Variants in PCDHGA4 observed in about 807,000 individuals in gnomAD.
The protein encoded by PCDHGA4 is protocadherin gamma subfamily A, 4, also known as protocadherin gamma-A4.
PCDHGA4 carries 38 observed loss-of-function variants against 54.6 expected under a neutral mutation model. The ratio of observed to expected loss-of-function variants is 0.70; its 90% CI spans 0.54 to 0.91. The LOEUF (loss-of-function observed/expected upper bound fraction) is 0.91. PCDHGA4 is among the 40% of genes least tolerant of loss of function. The probability of loss-of-function intolerance (pLI) is 0.00; values close to 1 mark genes in which losing one functional copy is unlikely to be tolerated. For missense variants in PCDHGA4, 1,298 were observed against 1,220.9 expected (o/e 1.06, Z -0.94); for synonymous variants, 511 against 512.9 (o/e 1.00, Z 0.05).
intron 1 of PCDHGA4, chr5:141,399,545 C>T (rs978973236): frequency 6.2e-7 from 1 of 1,614,050 alleles, no homozygotes; most frequent in African/African-American, 1.3e-5. Flanking sequence ...GTCTGCGCCT[C>T]GGACCTGGAC....
intron 1 of PCDHGA4, among the ~76,000 whole-genome samples, chr5:141,474,250 A>G (rs2099346141): frequency 6.6e-6 from 1 of 152,236 alleles, no homozygotes; most frequent in East Asian, 1.9e-4. Flanking sequence ...GGGGAAAAAA[A>G]GACTGATAAA....
intron 1 of PCDHGA4, among the ~76,000 whole-genome samples, chr5:141,407,339 T>C (rs958646781): frequency 3.3e-5 from 5 of 152,222 alleles, no homozygotes; most frequent in Non-Finnish European, 7.3e-5. Context: ...TTGAAATGTA[T>C]GTTAATTTGG....
chr5:141,400,007 C>G (rs907315450), intron 1 of PCDHGA4: 2 of 1,612,506 alleles, frequency 1.2e-6, no homozygotes, highest in African/African-American at 1.3e-5. Flanking sequence ...ACAGCGCGTG[C>G]CTTGGGCGAC....
rs756966401 is a variant in PCDHGA4, at chr5:141,393,451, C to T, written c.2514+35830C>T. The T allele has an allele frequency of 5.0e-6, 8 of 1,614,058 alleles. No homozygotes were observed. In the South Asian group the frequency reaches 6.6e-5, roughly 13 times the overall value. On this transcript the variant is annotated intron_variant, in intron 1 of 3. Transcript: ENST00000571252. The stretch of plus-strand genomic sequence containing the variant: ...GAGGCTGCTCACCACCTGGTCCTCA[C>T]GGCCTCGGATGGCGGCAAGCCGCCT...
intron 1 of PCDHGA4, chr5:141,408,201 C>A: frequency 6.5e-7 from 1 of 1,549,032 alleles, no homozygotes; most frequent in Non-Finnish European, 8.7e-7. Context: ...CCCGAGCGAA[C>A]GATGGGAGGG....
chr5:141,383,681 T>G (rs1299329378), intron 1 of PCDHGA4: 2 of 1,613,902 alleles, frequency 1.2e-6, no homozygotes, highest in Non-Finnish European at 1.7e-6. Flanking sequence ...GGTACAAGAC[T>G]GCTCACGGTA....
intron 1 of PCDHGA4, chr5:141,372,158 G>A (rs1466586208): frequency 6.2e-7 from 1 of 1,613,800 alleles, no homozygotes; most frequent in South Asian, 1.1e-5. Flanking sequence ...GCTACCTGGT[G>A]ACCAAGGTGG....
intron 1 of PCDHGA4, chr5:141,403,649 T>C: frequency 6.2e-7 from 1 of 1,613,874 alleles, no homozygotes; most frequent in Non-Finnish European, 8.5e-7. Context: ...TGTGACAGTG[T>C]TGGATACAAA....
intron 1 of PCDHGA4, among the ~76,000 whole-genome samples, chr5:141,406,188 T>C (rs1313997032): frequency 6.6e-6 from 1 of 151,612 alleles, no homozygotes; most frequent in African/African-American, 2.4e-5. Flanking sequence ...TCCTCCCACC[T>C]CAGCCTTCAC....
At position 141,489,295 on chromosome 5, in the gene PCDHGA4, T is replaced by C. The variant is rs2099685128; in HGVS notation, c.2515-5512T>C. 1.3e-6 allele frequency: 2 copies of C among 1,581,054 alleles called. No individual in the cohort carries two copies. The highest frequency in any genetic ancestry group is 1.7e-5 in the Admixed American group (1 of 57,148). ...TGGGAAATGGCAAGTGCTGTGCATG[T>C]TGTCCTTGTGCTGCTGGGGCTGGGT... On this transcript the variant is annotated intron_variant, in intron 1 of 3. Transcript: ENST00000571252. The surrounding 1 kb of genome is among the most constrained non-coding windows in gnomAD (Gnocchi z 4.5).
chr5:141,461,138 C>T (rs1416058747), intron 1 of PCDHGA4, among the ~76,000 whole-genome samples: 1 of 151,942 alleles, frequency 6.6e-6, no homozygotes, highest in East Asian at 1.9e-4. Flanking sequence ...ACTTATTTTC[C>T]TTTGGGTAGA....
chr5:141,374,340 C>T, intron 1 of PCDHGA4: 1 of 1,614,016 alleles, frequency 6.2e-7, no homozygotes, highest in Non-Finnish European at 8.5e-7. Context: ...AGCTTGGTCA[C>T]CGCGGGTAGG....
chr5:141,415,101 C>T, intron 1 of PCDHGA4: 1 of 1,613,550 alleles, frequency 6.2e-7, no homozygotes, highest in South Asian at 1.1e-5. Context: ...GAGACGCGCT[C>T]AAGCAAAGCC....
chr5:141,409,251 CTT>C (rs771889477), intron 1 of PCDHGA4: 78 of 1,613,922 alleles, frequency 4.8e-5, no homozygotes, highest in Non-Finnish European at 6.2e-5. Context: ...ATAATCATCA[CTT>C]CTCTCTCTGA....
At position 141,399,531 on chromosome 5, in the gene PCDHGA4, G is replaced by T. The variant is rs771221717; in HGVS notation, c.2514+41910G>T. 24 of 1,614,052 alleles carry T rather than the reference G, an allele frequency of 1.5e-5. No homozygotes were observed. The South Asian group carries it at 2.0e-4, about 13-fold the overall frequency. ...ACAACCCTCCTGGGGCCTCCATCGC[G>T]CAAGTCTGCGCCTCGGACCTGGACT... On this transcript the variant is annotated intron_variant, in intron 1 of 3. Coordinates refer to ENST00000571252, the MANE Select transcript of PCDHGA4 (RefSeq NM_018917.4).
intron 1 of PCDHGA4, chr5:141,403,538 C>T (rs781129314): frequency 1.5e-5 from 24 of 1,613,874 alleles, no homozygotes; most frequent in Non-Finnish European, 1.5e-5. Flanking sequence ...AGAGCTGGTG[C>T]TGGAGCGCGC....
intron 1 of PCDHGA4, chr5:141,372,308 C>T (rs1343054904): frequency 1.2e-6 from 2 of 1,613,474 alleles, no homozygotes; most frequent in South Asian, 2.2e-5. Flanking sequence ...GGGAGGCCGC[C>T]CGCCAGCGCC....
At chr5:141,368,370 TA>T (rs1332977748) in intron 1 of PCDHGA4, among the ~76,000 whole-genome samples, 7 of 152,116 alleles carry the variant, frequency 4.6e-5, no homozygotes, top group African/African-American at 7.2e-5. Flanking sequence ...TACACACATA[TA>T]TATACACACA....
intron 1 of PCDHGA4, chr5:141,362,758 C>A: frequency 1.5e-6 from 1 of 649,730 alleles, no homozygotes. Flanking sequence ...AAACCTTTAT[C>A]ACATGAGATA....
Sources: gnomAD v4.1 joint callset for allele counts (sites outside exome capture counted in the v4.1 genomes callset) on GRCh38, gnomAD v4.1.1 for gene constraint, Gnocchi (gnomAD v3.1) non-coding constraint, MANE v1.5 for transcripts, NCBI Gene and HGNC (gene_info 2026-07-23, HGNC 2026-07-21) for gene names.